Variants in C12orf42 observed in about 807,000 individuals in gnomAD.
C12orf42 encodes chromosome 12 open reading frame 42.
In C12orf42, 25 loss-of-function variants were observed where a neutral mutation model predicts 21.6. That is an observed-to-expected ratio of 1.16 (90% CI 0.84 to 1.62). The LOEUF (loss-of-function observed/expected upper bound fraction) is 1.62. Ranked by LOEUF, C12orf42 falls within the 40% of genes most tolerant of loss-of-function variation. The pLI, the probability that C12orf42 is intolerant of heterozygous loss-of-function variation, is 0.00. For missense variants in C12orf42, 483 were observed against 459.3 expected (o/e 1.05, Z -0.47); for synonymous variants, 174 against 175.0 (o/e 0.99, Z 0.05).
At chr12:103,276,020 C>T (rs935254364) in intron 5 of C12orf42, among the ~76,000 whole-genome samples, 1 of 152,130 alleles carries the variant, frequency 6.6e-6, no homozygotes, top group African/African-American at 2.4e-5. Context: ...TTACAGTGAG[C>T]TATGATCATG....
the C12orf42 span, among the ~76,000 whole-genome samples, chr12:103,529,648 G>T: frequency 6.6e-6 from 1 of 152,158 alleles, no homozygotes; most frequent in African/African-American, 2.4e-5. Context: ...GGTCTCTCTG[G>T]AGTGTGTTAC....
At chr12:103,081,964 CCT>C in the C12orf42 span, among the ~76,000 whole-genome samples, 1 of 152,158 alleles carries the variant, frequency 6.6e-6, no homozygotes, top group South Asian at 2.1e-4. Context: ...TATTGTCTCT[CCT>C]CTCTCCCAAA....
intron 1 of C12orf42, among the ~76,000 whole-genome samples, chr12:103,488,184 G>C (rs1355212336): frequency 6.6e-6 from 1 of 152,180 alleles, no homozygotes; most frequent in Non-Finnish European, 1.5e-5. Context: ...TTGCTTGTCT[G>C]TAAAGGATTT....
chr12:103,352,278 G>C (rs938243900), intron 4 of C12orf42, among the ~76,000 whole-genome samples: 1 of 152,132 alleles, frequency 6.6e-6, no homozygotes, highest in Non-Finnish European at 1.5e-5. Context: ...AAGAGAAAAA[G>C]AGAATTCTCG....
intron 2 of C12orf42, among the ~76,000 whole-genome samples, chr12:103,472,834 C>T (rs1953736176): frequency 6.6e-6 from 1 of 152,136 alleles, no homozygotes; most frequent in Non-Finnish European, 1.5e-5. Context: ...GGCCCTGTAC[C>T]CATGGGGAAG....
chr12:103,173,007 T>C, the C12orf42 span, among the ~76,000 whole-genome samples: 8 of 152,116 alleles, frequency 5.3e-5, no homozygotes, highest in African/African-American at 1.9e-4. Context: ...TGTCCACTTC[T>C]CTCCAGGAAA....
chr12:103,366,820 G>C (rs2044647728), intron 4 of C12orf42, among the ~76,000 whole-genome samples: 1 of 151,988 alleles, frequency 6.6e-6, no homozygotes, highest in African/African-American at 2.4e-5. Context: ...GTATGGATGT[G>C]GTGAAAAGAG....
At chr12:103,051,828 C>A in the C12orf42 span, among the ~76,000 whole-genome samples, 4 of 152,184 alleles carry the variant, frequency 2.6e-5, no homozygotes, top group Non-Finnish European at 5.9e-5. Flanking sequence ...GGGACATACT[C>A]AAGTCTCTTT....
chr12:103,063,305 G>T, the C12orf42 span, among the ~76,000 whole-genome samples: 1 of 152,138 alleles, frequency 6.6e-6, no homozygotes, highest in East Asian at 1.9e-4. Context: ...TGGAAAAACA[G>T]ACATAAGCTC....
chr12:103,353,851 G>C (rs566120762), intron 4 of C12orf42, among the ~76,000 whole-genome samples: 2 of 152,320 alleles, frequency 1.3e-5, no homozygotes, highest in South Asian at 2.1e-4. Context: ...CAACCTGAAA[G>C]AGTCCTGTCG....
intron 4 of C12orf42, among the ~76,000 whole-genome samples, chr12:103,280,526 G>A (rs1431776169): frequency 6.6e-6 from 1 of 152,126 alleles, no homozygotes; most frequent in East Asian, 1.9e-4. Context: ...GGTTGAGGCA[G>A]GAGAATGACT....
intron 3 of C12orf42, among the ~76,000 whole-genome samples, chr12:103,395,460 T>A (rs1358955379): frequency 2.0e-5 from 3 of 151,810 alleles, no homozygotes; most frequent in Admixed American, 6.6e-5. Flanking sequence ...CTCAGCCTCC[T>A]GAGTAGCTGG....
At chr12:103,283,293 C>G (rs141261010) in intron 4 of C12orf42, among the ~76,000 whole-genome samples, 1 of 152,180 alleles carries the variant, frequency 6.6e-6, no homozygotes, top group Non-Finnish European at 1.5e-5. Flanking sequence ...TTTCTACAAT[C>G]ACTGTCTTGG....
chr12:103,066,910 C>T, the C12orf42 span, among the ~76,000 whole-genome samples: 1 of 152,184 alleles, frequency 6.6e-6, no homozygotes, highest in Non-Finnish European at 1.5e-5. Context: ...AGCCTCTTTA[C>T]CCAATCACCC....
intron 10 of C12orf42, among the ~76,000 whole-genome samples, chr12:103,261,914 G>C (rs372058769): frequency 1.1e-4 from 17 of 152,290 alleles, no homozygotes; most frequent in African/African-American, 3.6e-4. Flanking sequence ...GTTTGCAAGA[G>C]CAAATAGCTG....
At chr12:103,123,786 A>G in the C12orf42 span, among the ~76,000 whole-genome samples, 3 of 151,742 alleles carry the variant, frequency 2.0e-5, no homozygotes, top group African/African-American at 7.3e-5. Flanking sequence ...ATTAACATAT[A>G]TTATTAAAAT....
At chr12:103,115,265 T>C in the C12orf42 span, among the ~76,000 whole-genome samples, 2 of 152,228 alleles carry the variant, frequency 1.3e-5, no homozygotes, top group Admixed American at 1.3e-4. Flanking sequence ...TATTTTTTAT[T>C]GCGACCATAA....
chr12:103,104,046 T>G, the C12orf42 span, among the ~76,000 whole-genome samples: 34 of 152,294 alleles, frequency 2.2e-4, no homozygotes, highest in African/African-American at 7.9e-4. Context: ...CTTATGACAG[T>G]CAAATGCAGT....
At chr12:103,244,667 A>G (rs1248461066) in intron 10 of C12orf42, among the ~76,000 whole-genome samples, 3 of 152,120 alleles carry the variant, frequency 2.0e-5, no homozygotes, top group Non-Finnish European at 4.4e-5. Context: ...AACCACATAT[A>G]GAATTTCCCC....
Sources: gnomAD v4.1 joint callset for allele counts (sites outside exome capture counted in the v4.1 genomes callset) on GRCh38, gnomAD v4.1.1 for gene constraint, MANE v1.5 for transcripts, NCBI Gene and HGNC (gene_info 2026-07-23, HGNC 2026-07-21) for gene names.